GCLC: variants seen among roughly 807,000 people sequenced by gnomAD.
The protein encoded by GCLC is glutamate--cysteine ligase catalytic subunit.
Under a neutral mutation model 81.5 loss-of-function variants are expected in GCLC, and 30 were observed. The ratio of observed to expected loss-of-function variants is 0.37; its 90% confidence interval spans 0.28 to 0.50. GCLC has a LOEUF of 0.50. Ranked by LOEUF, GCLC falls within the 20% of genes least tolerant of loss-of-function variation. The probability of loss-of-function intolerance (pLI) is 0.96; values close to 1 mark genes in which losing one functional copy is unlikely to be tolerated. For missense variants in GCLC, 556 were observed against 777.4 expected (o/e 0.72, Z 3.39); for synonymous variants, 262 against 273.3 (o/e 0.96, Z 0.41).
Position 53,544,722 on chromosome 6 carries a change from C to T in GCLC, c.-77G>A, listed in dbSNP as rs191533557. ...CTCCGGGCGCGAGACGGACACTCAG[C>T]CGCCCGCAGAAGGCGGCTGCCGCTC... On this transcript the variant is annotated 5_prime_UTR_variant, in exon 1 of 16. Coordinates refer to ENST00000650454, the MANE Select transcript of GCLC (RefSeq NM_001498.4). 9.9e-6 allele frequency: 14 copies of T among 1,418,028 alleles called. No individual in the cohort carries two copies. Among genetic ancestry groups the T allele is most frequent in the Non-Finnish European group, 1.3e-5 (14 of 1,061,820 alleles). 87.8% of individuals were successfully genotyped at this position (1,418,028 alleles called of 1,614,324 possible). A position where few individuals can be genotyped will look rare whatever the true frequency, so the allele number is the denominator to read the frequency against.
rs16883893 is a variant in GCLC, at chr6:53,499,150, G to C, written c.1703-183C>G. On this transcript the variant is annotated intron_variant, in intron 15 of 15. Coordinates refer to ENST00000650454, the MANE Select transcript of GCLC (RefSeq NM_001498.4). ...CGTTTGAAGAACTCCTCCTGGGCAG[G>C]AATTCTAGGTTGCAGGCAGGCAATG... Among the ~76,000 whole-genome samples the C allele has an allele frequency of 0.099, 15,125 of 152,152 alleles. 1,385 individuals carry two copies. The highest frequency in any genetic ancestry group is 0.29 in the Admixed American group (4,500 of 15,266).
chr6:53,510,428 CTT>C (rs1764714268), intron 6 of GCLC: 1 of 148,996 alleles, frequency 6.7e-6, no homozygotes, highest in South Asian at 2.1e-4. Flanking sequence ...AGCATAAATT[CTT>C]TGTTACCCAA....
At chr6:53,503,775 TCTC>T (rs1258300045) in intron 12 of GCLC, among the ~76,000 whole-genome samples, 1 of 152,186 alleles carries the variant, frequency 6.6e-6, no homozygotes, top group African/African-American at 2.4e-5. Context: ...TATAAACTAT[TCTC>T]CTCTTCTAAA....
intron 1 of GCLC, among the ~76,000 whole-genome samples, chr6:53,530,321 C>T (rs965454051): frequency 1.3e-5 from 2 of 152,182 alleles, no homozygotes; most frequent in Non-Finnish European, 2.9e-5. Flanking sequence ...ATTCAGGAAT[C>T]GTACCTGGGT....
At chr6:53,527,454 G>A (rs1030106966) in intron 1 of GCLC, among the ~76,000 whole-genome samples, 3 of 152,178 alleles carry the variant, frequency 2.0e-5, no homozygotes, top group African/African-American at 4.8e-5. Flanking sequence ...ACTACTCAGT[G>A]CCAAAAAACA....
rs1764490147 is a variant in GCLC at position 53,500,509 on chromosome 6, T to A, written c.1400A>T (p.Asp467Val). The change falls in exon 13 of 16, where the codon GAT becomes GTT. Residue 467 changes from aspartate to valine, a missense_variant. By Grantham distance (152) the Asp-to-Val change is radical (BLOSUM62 -3). Around this residue, in one of 3 missense-constraint regions of GCLC, gnomAD observed 313 missense variants for 437.3 expected, o/e 0.72. Coordinates refer to ENST00000650454, the MANE Select transcript of GCLC (RefSeq NM_001498.4). ...LDFLIPLSKV[D>V]ENMKVAQKRD... is the part of the protein sequence containing the mutation. Reference sequence around the variant, plus strand: ...TTTCTGTGCTACCTTCATGTTCTCATCAACCTAAGGGAAAAAAAGAATCAC... The same window carrying A: ...TTTCTGTGCTACCTTCATGTTCTCAACAACCTAAGGGAAAAAAAGAATCAC... The A allele has an allele frequency of 1.2e-6, 2 of 1,605,884 alleles. No homozygotes were observed. The highest frequency in any genetic ancestry group is 2.7e-5 in the African/African-American group (2 of 74,754).
chr6:53,534,780 C>T (rs1023932542), intron 1 of GCLC, among the ~76,000 whole-genome samples: 1 of 152,104 alleles, frequency 6.6e-6, no homozygotes, highest in African/African-American at 2.4e-5. Flanking sequence ...AAGACCTATA[C>T]ACGAAAAACT....
chr6:53,507,517 C>G lies in GCLC; in HGVS notation c.1047G>C (p.Thr349=), dbSNP rs770783129. The G allele has an allele frequency of 4.3e-6, 7 of 1,610,190 alleles. No homozygotes were observed. The highest frequency in any genetic ancestry group is 5.1e-6 in the Non-Finnish European group (6 of 1,176,692). Residue 349 remains threonine, a synonymous_variant, in exon 9 of 16, where the codon ACG becomes ACC. Coordinates refer to ENST00000650454, the MANE Select transcript of GCLC (RefSeq NM_001498.4). ...CGEKYNDIDL[T]IDKEIYEQLL... is the part of the protein sequence containing the mutation. ...GCTGTTCGTAGATCTCTTTATCTAT[C>G]GTCAAGTCGATGTCATTATATTTCT... is the stretch of plus-strand genomic sequence containing the variant.
chr6:53,529,763 A>C (rs1365315899), intron 1 of GCLC, among the ~76,000 whole-genome samples: 1 of 152,228 alleles, frequency 6.6e-6, no homozygotes, highest in Non-Finnish European at 1.5e-5. Context: ...CCCAGACAGA[A>C]GCTGCTTTGG....
rs568058681 is a variant in GCLC, at chr6:53,514,176, T to C, written c.753+28A>G. ...AAAAAACAGAAATGGATGGAACACT[T>C]TGCCTCTCTGTATATTTGAAACTAT... is the stretch of plus-strand genomic sequence containing the variant. On this transcript the variant is annotated intron_variant, in intron 6 of 15. Coordinates refer to ENST00000650454, the MANE Select transcript of GCLC (RefSeq NM_001498.4). The C allele has an allele frequency of 9.3e-6, 15 of 1,610,196 alleles. No individual in the cohort carries two copies. The South Asian group carries it at 1.3e-4, about 14-fold the overall frequency.
At chr6:53,516,407 T>C (rs1221653541) in intron 3 of GCLC, among the ~76,000 whole-genome samples, 185 bp from the exon 4 acceptor site, 2 of 152,210 alleles carry the variant, frequency 1.3e-5, no homozygotes, top group Non-Finnish European at 2.9e-5. Context: ...CCCACACTTC[T>C]TGCTCACAAG....
In GCLC at chr6:53,544,529, G is replaced by C; in HGVS notation, c.117C>G (p.Asp39Glu). 1 of 1,609,114 alleles carries C rather than the reference G, an allele frequency of 6.2e-7. No homozygotes were observed. Among genetic ancestry groups the C allele is most frequent in the Non-Finnish European group, 8.5e-7 (1 of 1,179,618 alleles). ...QFLHIYHAVK[D>E]RHKDVLKWGD... is the part of the protein sequence containing the mutation. ...CCCACTTGAGAACGTCCTTGTGCCG[G>C]TCCTTGACGGCGTGGTAGATGTGCA... The change falls in exon 1 of 16, where the codon GAC becomes GAG. Residue 39 changes from aspartate to glutamate, a missense_variant. Physicochemically the swap from Asp to Glu is conservative, Grantham distance 45. This residue lies in a region of GCLC where 234 missense variants were observed against 303.8 expected (regional missense o/e 0.77). Coordinates refer to ENST00000650454, the MANE Select transcript of GCLC (RefSeq NM_001498.4).
In GCLC at chr6:53,505,790, G is replaced by C. The variant is rs1169023687; in HGVS notation, c.1290+13C>G. ...TACTTTTGAGTCAGTTCTTGCTGAT[G>C]CATGTGTCTTACCTCCATGGGTCGA... On this transcript the variant is annotated intron_variant, in intron 11 of 15. Coordinates refer to ENST00000650454, the MANE Select transcript of GCLC (RefSeq NM_001498.4). 2.7e-6 allele frequency: 4 copies of C among 1,463,394 alleles called. No homozygotes were observed. In the South Asian group the frequency reaches 4.5e-5, roughly 17 times the overall value. The allele number at this position is 1,463,394 out of a possible 1,614,324, so 90.7% of individuals were successfully genotyped here. A position where few individuals can be genotyped will look rare whatever the true frequency, so the allele number is the denominator to read the frequency against.
intron 6 of GCLC, 35 bp downstream of exon 6, chr6:53,514,169 G>C (rs770171832): frequency 4.2e-5 from 68 of 1,606,748 alleles, no homozygotes; most frequent in Middle Eastern, 1.6e-4. Context: ...GAAATGGATG[G>C]AACACTTTGC....
In GCLC at chr6:53,540,680, C is replaced by CACAA. The variant is rs1439063430; in HGVS notation, c.150+3815_150+3816insTTGT. Among the ~76,000 whole-genome samples the CACAA allele has an allele frequency of 2.0e-5, 3 of 148,330 alleles. No homozygotes were observed. The East Asian group carries it at 5.8e-4, about 29-fold the overall frequency. On this transcript the variant is annotated intron_variant, in intron 1 of 15. Transcript: ENST00000650454. ...TTAAGTGTCTTGCCACACACACACA[C>CACAA]ACACACACACACACACACACACACA...
chr6:53,542,601 C>T (rs1763376835), intron 1 of GCLC, among the ~76,000 whole-genome samples: 1 of 152,014 alleles, frequency 6.6e-6, no homozygotes, highest in Non-Finnish European at 1.5e-5. Context: ...GTGTTGTCTC[C>T]AGAAGGAGTT....
chr6:53,530,628 A>C (rs752372948), intron 1 of GCLC, among the ~76,000 whole-genome samples: 2 of 152,316 alleles, frequency 1.3e-5, no homozygotes, highest in Non-Finnish European at 1.5e-5. Flanking sequence ...TTAGCTGGGA[A>C]GGCTGCAGTC....
At chr6:53,505,554 T>G (rs1253830543) in intron 11 of GCLC, 58 bp from the exon 12 acceptor site, 5 of 915,094 alleles carry the variant, frequency 5.5e-6, no homozygotes, top group African/African-American at 1.6e-5. Context: ...TGCTCTTCCC[T>G]GACCCAGGCC....
chr6:53,508,835 C>T, intron 7 of GCLC, 124 bp from the exon 8 acceptor site: 1 of 739,802 alleles, frequency 1.4e-6, no homozygotes, highest in Non-Finnish European at 2.4e-6. Flanking sequence ...AGCACATGTA[C>T]CTGTGCCTAT....
Sources: gnomAD v4.1 joint callset for allele counts (sites outside exome capture counted in the v4.1 genomes callset) on GRCh38, gnomAD v4.1.1 for gene constraint, gnomAD v4.1.1 regional missense constraint, MANE v1.5 for transcripts, NCBI Gene and HGNC (gene_info 2026-07-23, HGNC 2026-07-21) for gene names.